RPTOR: variants seen among roughly 807,000 people sequenced by gnomAD.
RPTOR encodes the protein regulatory associated protein of MTOR complex 1, also known as regulatory-associated protein of mTOR.
RPTOR carries 21 observed loss-of-function variants against 169.9 expected under a neutral mutation model. The observed-to-expected ratio is 0.12, with a 90% confidence interval of 0.09 to 0.18. RPTOR has a LOEUF of 0.18. RPTOR is among the 10% of genes least tolerant of loss of function. The pLI, the probability that RPTOR is intolerant of heterozygous loss-of-function variation, is 1.00. For missense variants in RPTOR, 1,133 were observed against 1,855.9 expected, an observed-to-expected ratio of 0.61 and a Z score of 7.16; for synonymous variants, 732 against 753.2, an observed-to-expected ratio of 0.97 and a Z score of 0.46.
At position 80,545,333 on chromosome 17, in the gene RPTOR, TGGAAA is replaced by T. The variant is rs1445118337; in HGVS notation, c.-296_-292del. 1.0e-5 allele frequency: 3 copies of T among 291,100 alleles called. No homozygotes were observed. Among genetic ancestry groups the T allele is most frequent in the Non-Finnish European group, 1.9e-5 (3 of 156,252 alleles). The allele number at this position is 291,100 out of a possible 1,614,324, so 18.0% of individuals were successfully genotyped here. The stretch of plus-strand genomic sequence containing the variant: ...TTGGCAGCTCCCCTCGCAGCCCCTC[TGGAAA>T]CGTACAGCCTCAGGAGCAGCCAGTG... On this transcript the variant is annotated 5_prime_UTR_variant, in exon 1 of 34. Transcript: ENST00000306801.
chr17:80,566,749 G>A (rs1272799379), intron 1 of RPTOR, among the ~76,000 whole-genome samples: 3 of 146,182 alleles, frequency 2.1e-5, no homozygotes, highest in East Asian at 2.2e-4. Context: ...GCGTGAACCC[G>A]GGAGGCGGAG....
At chr17:80,743,738 TACTAGCAGAGC>T (rs2066511788) in intron 5 of RPTOR, among the ~76,000 whole-genome samples, 2 of 139,958 alleles carry the variant, frequency 1.4e-5, no homozygotes, top group Non-Finnish European at 3.1e-5. Context: ...CAGCCCTGGC[TACTAGCAGAGC>T]CCTGGCTACT....
rs576109167 is a variant in RPTOR, at chr17:80,721,030, A to G, written c.508-9530A>G. ...CTAATTTTAGCCGTCTAGGGCAGAAACAGTCCCGGGTAAACACCAAGGCCT... is the reference window on the plus strand; with the variant it reads ...CTAATTTTAGCCGTCTAGGGCAGAAGCAGTCCCGGGTAAACACCAAGGCCT... On this transcript the variant is annotated intron_variant, in intron 4 of 33. Transcript: ENST00000306801. This position sits in a 1 kb window ranked among gnomAD's most constrained non-coding sequence, Gnocchi z 4.7. Among the ~76,000 whole-genome samples, 128 of 151,090 alleles carry G rather than the reference A, an allele frequency of 8.5e-4. 7 individuals carry two copies. The highest frequency in any genetic ancestry group is 2.9e-3 in the African/African-American group (119 of 40,470).
chr17:80,694,156 C>G (rs1425792944), intron 3 of RPTOR, among the ~76,000 whole-genome samples: 1 of 152,250 alleles, frequency 6.6e-6, no homozygotes, highest in East Asian at 1.9e-4. Flanking sequence ...CTGCTGCAGC[C>G]TCAGGTGCCT....
At chr17:80,670,734 G>T (rs1398244936) in intron 3 of RPTOR, among the ~76,000 whole-genome samples, 5 of 152,138 alleles carry the variant, frequency 3.3e-5, no homozygotes, top group Non-Finnish European at 1.5e-5. Context: ...AGCACCTGGC[G>T]TTTGCCTGTA....
intron 3 of RPTOR, among the ~76,000 whole-genome samples, chr17:80,696,339 A>G (rs1175502870): frequency 6.6e-6 from 1 of 152,242 alleles, no homozygotes; most frequent in African/African-American, 2.4e-5. Context: ...GTGGGACAGA[A>G]TTTGTACTGC....
chr17:80,904,247 G>A (rs564905538), intron 20 of RPTOR, among the ~76,000 whole-genome samples: 18 of 152,320 alleles, frequency 1.2e-4, no homozygotes, highest in Middle Eastern at 3.4e-3. Flanking sequence ...GAAAGGGGCC[G>A]CTGCGGAAGC....
intron 20 of RPTOR, among the ~76,000 whole-genome samples, chr17:80,899,336 G>C (rs1022436345): frequency 9.9e-5 from 15 of 152,202 alleles, no homozygotes; most frequent in African/African-American, 3.4e-4. Flanking sequence ...TTCCAGGCTA[G>C]CCTGCAAGAG....
At chr17:80,654,331 G>C (rs1483096282) in intron 3 of RPTOR, among the ~76,000 whole-genome samples, 2 of 152,166 alleles carry the variant, frequency 1.3e-5, no homozygotes, top group Admixed American at 1.3e-4. Context: ...ACCCCTCCCA[G>C]GTGAGGGCTG....
chr17:80,630,381 C>T (rs1336403329), intron 2 of RPTOR, among the ~76,000 whole-genome samples: 1 of 152,178 alleles, frequency 6.6e-6, no homozygotes, highest in Non-Finnish European at 1.5e-5. Flanking sequence ...ACTCTTAGTT[C>T]TTAGAGTGAT....
chr17:80,719,660 TGAAGG>T, intron 4 of RPTOR, among the ~76,000 whole-genome samples: 1 of 152,144 alleles, frequency 6.6e-6, no homozygotes, highest in East Asian at 1.9e-4. Context: ...CTCCTCCTCC[TGAAGG>T]GGGTTCTTGA....
Position 80,860,613 on chromosome 17 carries a change from A to G in RPTOR, c.1509+2713A>G, listed in dbSNP as rs557436082. Among the ~76,000 whole-genome samples, 10 of 152,062 alleles carry G rather than the reference A, an allele frequency of 6.6e-5. No individual in the cohort carries two copies. The highest frequency in any genetic ancestry group is 2.2e-4 in the African/African-American group (9 of 41,472). ...GAGGCTGCTGCCGAAGCGGACGGTG[A>G]GGGCTTCCACCTTGGAGGCAGGCGT... On this transcript the variant is annotated intron_variant, in intron 13 of 33. Coordinates refer to ENST00000306801, the MANE Select transcript of RPTOR (RefSeq NM_020761.3). This position sits in a 1 kb window ranked among gnomAD's most constrained non-coding sequence, Gnocchi z 5.8.
chr17:80,619,867 T>C (rs2065341922), intron 1 of RPTOR, among the ~76,000 whole-genome samples: 1 of 152,176 alleles, frequency 6.6e-6, no homozygotes, highest in Non-Finnish European at 1.5e-5. Flanking sequence ...TCAAGAACAC[T>C]GCCCAGGCTG....
intron 9 of RPTOR, 86 bp from the exon 10 acceptor site, chr17:80,837,836 A>G: frequency 7.7e-7 from 1 of 1,290,562 alleles, no homozygotes; most frequent in Non-Finnish European, 1.1e-6. Flanking sequence ...GCCCAGGCTC[A>G]GCCGGCTCCT....
intron 7 of RPTOR, among the ~76,000 whole-genome samples, chr17:80,810,360 A>G (rs2067261356): frequency 6.6e-6 from 1 of 152,108 alleles, no homozygotes. Flanking sequence ...ATTATTTTCC[A>G]TATAGATACC....
At chr17:80,738,832 A>T (rs1177907072) in intron 5 of RPTOR, among the ~76,000 whole-genome samples, 1 of 152,254 alleles carries the variant, frequency 6.6e-6, no homozygotes, top group African/African-American at 2.4e-5. Flanking sequence ...AGATGTATCC[A>T]TGATGCATTA....
intron 13 of RPTOR, among the ~76,000 whole-genome samples, chr17:80,879,918 A>C (rs1005736256): frequency 6.6e-6 from 1 of 152,238 alleles, no homozygotes; most frequent in Non-Finnish European, 1.5e-5. Flanking sequence ...GCACCTGCTC[A>C]AGTGGGACTG....
chr17:80,965,954 C>T lies in RPTOR; in HGVS notation c.*1624C>T, dbSNP rs955966665. 3 of 233,334 alleles carry T rather than the reference C, an allele frequency of 1.3e-5. No homozygotes were observed. The highest frequency in any genetic ancestry group is 8.5e-6 in the Non-Finnish European group (1 of 118,162). 14.5% of individuals were successfully genotyped at this position (233,334 alleles called of 1,614,324 possible). A position where few individuals can be genotyped will look rare whatever the true frequency, so the allele number is the denominator to read the frequency against. On this transcript the variant is annotated 3_prime_UTR_variant, in exon 34 of 34. Coordinates refer to ENST00000306801, the MANE Select transcript of RPTOR (RefSeq NM_020761.3). ...TCCCGGCCTCACTCAGCTCACAGGGCGTGCCAGGCGGCAACACCAGAATCT... is the reference window on the plus strand; with the variant it reads ...TCCCGGCCTCACTCAGCTCACAGGGTGTGCCAGGCGGCAACACCAGAATCT...
At chr17:80,647,696 G>A (rs1187014568) in intron 3 of RPTOR, among the ~76,000 whole-genome samples, 6 of 152,288 alleles carry the variant, frequency 3.9e-5, no homozygotes, top group African/African-American at 1.4e-4. Context: ...AAGTCTGTCC[G>A]TCGGGCAGGT....
Sources: gnomAD v4.1 joint callset for allele counts (sites outside exome capture counted in the v4.1 genomes callset) on GRCh38, gnomAD v4.1.1 for gene constraint, Gnocchi (gnomAD v3.1) non-coding constraint, MANE v1.5 for transcripts, NCBI Gene and HGNC (gene_info 2026-07-23, HGNC 2026-07-21) for gene names.